The following KATNAL2 variants were observed in gnomAD, a reference collection of about 807,000 sequenced individuals.
The protein encoded by KATNAL2 is katanin p60 ATPase-containing subunit A-like 2.
KATNAL2 carries 52 observed loss-of-function variants against 76.3 expected under a neutral mutation model. The ratio of observed to expected loss-of-function variants is 0.68; its 90% CI spans 0.55 to 0.86. The LOEUF is 0.86. Ranked by LOEUF, KATNAL2 falls within the 40% of genes least tolerant of loss-of-function variation. The pLI, the probability that KATNAL2 is intolerant of heterozygous loss-of-function variation, is 0.00. For missense variants in KATNAL2, 660 were observed against 668.9 expected, an observed-to-expected ratio of 0.99 and a Z score of 0.15; for synonymous variants, 243 against 244.2, an observed-to-expected ratio of 1.00 and a Z score of 0.05.
At chr18:46,933,690 G>A (rs1009676032) in intron 1 of KATNAL2, among the ~76,000 whole-genome samples, 2 of 150,408 alleles carry the variant, frequency 1.3e-5, no homozygotes, top group Non-Finnish European at 3.0e-5. Flanking sequence ...TGCACAATGT[G>A]CAGGTTTGTT....
At chr18:46,928,156 G>A (rs946768822) in intron 1 of KATNAL2, among the ~76,000 whole-genome samples, 2 of 152,134 alleles carry the variant, frequency 1.3e-5, no homozygotes, top group Non-Finnish European at 2.9e-5. Flanking sequence ...AGGAGGAGAG[G>A]CACTGTGATT....
intron 15 of KATNAL2, among the ~76,000 whole-genome samples, chr18:47,094,985 A>G (rs1001175113): frequency 6.6e-6 from 1 of 152,174 alleles, no homozygotes; most frequent in African/African-American, 2.4e-5. Context: ...TAAAGGTAGA[A>G]GAAGATACTG....
chr18:47,031,257 G>T (rs1231333423), intron 3 of KATNAL2, among the ~76,000 whole-genome samples: 2 of 151,836 alleles, frequency 1.3e-5, no homozygotes, highest in Non-Finnish European at 2.9e-5. Context: ...AGCTGATATT[G>T]GTGCCACGGT....
intron 3 of KATNAL2, chr18:47,034,198 A>G (rs374300131): frequency 6.2e-7 from 1 of 1,613,926 alleles, no homozygotes; most frequent in African/African-American, 1.3e-5. Flanking sequence ...CGTTCTGTCC[A>G]AATGAGCAGT....
At chr18:46,937,271 C>T (rs534916203) in intron 1 of KATNAL2, among the ~76,000 whole-genome samples, 1 of 152,060 alleles carries the variant, frequency 6.6e-6, no homozygotes, top group East Asian at 1.9e-4. Context: ...TACAAAATAC[C>T]TGTCCAGTAC....
chr18:46,960,864 C>T (rs1324940292), intron 3 of KATNAL2, among the ~76,000 whole-genome samples: 2 of 152,192 alleles, frequency 1.3e-5, no homozygotes, highest in Non-Finnish European at 2.9e-5. Flanking sequence ...GCGGACAAAA[C>T]CCCTCAGACA....
chr18:46,952,393 GTTTTTT>G (rs35596537), intron 3 of KATNAL2, among the ~76,000 whole-genome samples: 324 of 64,434 alleles, frequency 5.0e-3, no homozygotes, highest in Non-Finnish European at 7.8e-3. Context: ...CTGCAGGTAT[GTTTTTT>G]TTTTTTTTTT....
chr18:46,945,308 G>A (rs1454766615), intron 1 of KATNAL2, among the ~76,000 whole-genome samples: 1 of 152,220 alleles, frequency 6.6e-6, no homozygotes, highest in Non-Finnish European at 1.5e-5. Flanking sequence ...TTTGTTCTCT[G>A]CCTAAGCTTC....
At chr18:47,073,815 G>C (rs780606197) in intron 13 of KATNAL2, among the ~76,000 whole-genome samples, 29 of 152,248 alleles carry the variant, frequency 1.9e-4, no homozygotes, top group Non-Finnish European at 3.5e-4. Flanking sequence ...TTAGACTAAT[G>C]CTTCCAGAAA....
chr18:47,098,440 A>G (rs1383680866), intron 15 of KATNAL2: 1 of 190,572 alleles, frequency 5.2e-6, no homozygotes, highest in South Asian at 8.5e-5. Flanking sequence ...AGACCTTGTG[A>G]GACTTATTCA....
intron 1 of KATNAL2, among the ~76,000 whole-genome samples, chr18:46,932,538 G>T (rs1223001384): frequency 6.6e-6 from 1 of 151,308 alleles, no homozygotes; most frequent in East Asian, 2.0e-4. Flanking sequence ...AGTTGGCATG[G>T]TGCTGTGCGC....
intron 1 of KATNAL2, among the ~76,000 whole-genome samples, chr18:46,930,917 A>G (rs1349829142): frequency 1.3e-5 from 2 of 152,016 alleles, no homozygotes; most frequent in Non-Finnish European, 2.9e-5. Context: ...CCTGGCCAAC[A>G]TGGTGAAACC....
In KATNAL2 at chr18:47,052,932, C is replaced by T. The variant is rs373249871; in HGVS notation, c.175C>T (p.Arg59Trp). ...GCAAGAAACTAAACTGGGGTTACGACGGTTTGAAGTTTGTGACAACATTGA... is the reference window on the plus strand; with the variant it reads ...GCAAGAAACTAAACTGGGGTTACGATGGTTTGAAGTTTGTGACAACATTGA... ...LEQETKLGLRRFEVCDNIDLE... is the reference protein window; with the variant it reads ...LEQETKLGLRWFEVCDNIDLE... The change falls in exon 5 of 18, where the codon CGG becomes TGG. Residue 59 changes from arginine (R) to tryptophan (W), a missense_variant. Physicochemically the swap from Arg to Trp is moderately radical, Grantham distance 101 (BLOSUM62 -3). Transcript: ENST00000683218. 140 of 1,612,014 alleles carry T rather than the reference C, an allele frequency of 8.7e-5. 1 individual carries two copies. Among genetic ancestry groups the T allele is most frequent in the South Asian group, 4.6e-4 (42 of 90,626 alleles).
chr18:47,031,517 T>G (rs1374320359), intron 3 of KATNAL2, among the ~76,000 whole-genome samples: 2 of 152,150 alleles, frequency 1.3e-5, no homozygotes, highest in African/African-American at 2.4e-5. Flanking sequence ...ATTCGGGTGT[T>G]AAGCCTTTTC....
chr18:47,090,463 G>A (rs1457918052), intron 15 of KATNAL2, among the ~76,000 whole-genome samples: 3 of 152,056 alleles, frequency 2.0e-5, no homozygotes, highest in African/African-American at 7.2e-5. Context: ...TGGAGGGAGG[G>A]GGAATCCACA....
chr18:47,063,512 C>A, intron 10 of KATNAL2, 151 bp downstream of exon 10: 3 of 572,532 alleles, frequency 5.2e-6, no homozygotes, highest in African/African-American at 1.9e-5. Context: ...TTTAGAGGCA[C>A]AATAATGCAT....
At position 47,077,411 on chromosome 18, in the gene KATNAL2, G is replaced by A. The variant is rs1225232085; in HGVS notation, c.1161G>A (p.Leu387=). 1 of 1,614,058 alleles carries A rather than the reference G, an allele frequency of 6.2e-7. No homozygotes were observed. Among genetic ancestry groups the A allele is most frequent in the African/African-American group, 1.3e-5 (1 of 75,034 alleles). The change falls in exon 15 of 18, where the codon CTG becomes CTA. Residue 387 remains leucine, a synonymous_variant. Transcript: ENST00000683218. ...KTELLVQMDG[L]ARSEDLVFVL... ...AGTTACTGGTGCAGATGGATGGGCT[G>A]GCACGCTCAGAAGATCTCGTATTTG... is the stretch of plus-strand genomic sequence containing the variant.
chr18:47,086,988 A>G (rs924517431), intron 15 of KATNAL2, among the ~76,000 whole-genome samples: 1 of 152,234 alleles, frequency 6.6e-6, no homozygotes, highest in Admixed American at 6.5e-5. Flanking sequence ...CACATTTAAA[A>G]CATTATAAAA....
Position 47,046,538 on chromosome 18 carries a change from G to C in KATNAL2, c.122+11G>C. The C allele has an allele frequency of 3.3e-6, 5 of 1,507,432 alleles. No individual in the cohort carries two copies. Among genetic ancestry groups the C allele is most frequent in the Non-Finnish European group, 3.6e-6 (4 of 1,120,756 alleles). 93.4% of individuals were successfully genotyped at this position (1,507,432 alleles called of 1,614,324 possible). ...TTTAACACAAGAAGGGTATGTTACA[G>C]TACAAACATTTATAGAGATGATTCC... is the stretch of plus-strand genomic sequence containing the variant. On this transcript the variant is annotated intron_variant, in intron 4 of 17. Transcript: ENST00000683218.
Sources: allele counts gnomAD v4.1 joint callset (sites outside exome capture counted in the v4.1 genomes callset), GRCh38; gene constraint gnomAD v4.1.1; transcripts MANE v1.5; gene names NCBI Gene and HGNC (gene_info 2026-07-23, HGNC 2026-07-21).